KLHL29: variants seen among roughly 807,000 people sequenced by gnomAD.
The protein encoded by KLHL29 is kelch like family member 29.
KLHL29 carries 21 observed loss-of-function variants against 80.4 expected under a neutral mutation model. The observed-to-expected ratio is 0.26, with a 90% CI of 0.19 to 0.38. The LOEUF is 0.38. Ranked by LOEUF, KLHL29 falls within the 10% of genes least tolerant of loss-of-function variation. The pLI is 1.00. For missense variants in KLHL29, 867 were observed against 1,223.9 expected (o/e 0.71, Z 4.35); for synonymous variants, 511 against 526.8 (o/e 0.97, Z 0.41).
At chr2:23,485,456 C>G (rs1664909772) in intron 2 of KLHL29, among the ~76,000 whole-genome samples, 1 of 152,218 alleles carries the variant, frequency 6.6e-6, no homozygotes, top group African/African-American at 2.4e-5. Context: ...CGCACTGACC[C>G]TGCTCTCCCA....
chr2:23,470,206 T>C (rs1664461831), intron 1 of KLHL29, among the ~76,000 whole-genome samples: 1 of 152,184 alleles, frequency 6.6e-6, no homozygotes, highest in Non-Finnish European at 1.5e-5. Context: ...ATGGGCCCTT[T>C]GGTGCTGTGC....
rs191786943 is a variant in KLHL29, at chr2:23,680,517, A to G, written c.941-3882A>G. Reference sequence around the variant, plus strand: ...CAAAAACAACCTCTGGGGCCGACCAACAGGGACAGATGCTGAGGCCAAGTC... The same window carrying G: ...CAAAAACAACCTCTGGGGCCGACCAGCAGGGACAGATGCTGAGGCCAAGTC... On this transcript the variant is annotated intron_variant, in intron 5 of 13. Coordinates refer to ENST00000486442, the MANE Select transcript of KLHL29 (RefSeq NM_052920.2). The surrounding 1 kb of genome is among the most constrained non-coding windows in gnomAD (Gnocchi z 4.1). 1.1e-4 allele frequency among the ~76,000 whole-genome samples: 17 copies of G among 152,310 alleles called. No homozygotes were observed. Among genetic ancestry groups the G allele is most frequent in the Non-Finnish European group, 2.5e-4 (17 of 68,014 alleles).
chr2:23,643,130 C>G (rs961722034), intron 5 of KLHL29: 2 of 577,714 alleles, frequency 3.5e-6, no homozygotes, highest in South Asian at 1.8e-5. Context: ...CCGTCCCCCT[C>G]CAGCCCAAGC....
intron 1 of KLHL29, among the ~76,000 whole-genome samples, chr2:23,434,642 G>A (rs1663287997): frequency 6.6e-6 from 1 of 152,228 alleles, no homozygotes; most frequent in Admixed American, 6.5e-5. Flanking sequence ...AGTTACTGGG[G>A]TTTTATATAC....
intron 3 of KLHL29, among the ~76,000 whole-genome samples, chr2:23,614,654 A>G (rs1019215830): frequency 6.6e-6 from 1 of 152,202 alleles, no homozygotes; most frequent in Non-Finnish European, 1.5e-5. Context: ...ATGGAGAAAA[A>G]TGAATAAGGA....
Position 23,562,456 on chromosome 2 carries a change from G to A in KLHL29, c.260G>A (p.Ser87Asn), listed in dbSNP as rs1232397478. 3 of 1,536,468 alleles carry A rather than the reference G, an allele frequency of 2.0e-6. No homozygotes were observed. Among genetic ancestry groups the A allele is most frequent in the Admixed American group, 3.9e-5 (2 of 50,994 alleles). The change falls in exon 3 of 14, where the codon AGC becomes AAC. Residue 87 changes from serine (S) to asparagine (N), a missense_variant. This residue lies in a region of KLHL29 where 424 missense variants were observed against 456.9 expected (regional missense o/e 0.93). Transcript: ENST00000486442. The surrounding 1 kb of genome is among the most constrained non-coding windows in gnomAD (Gnocchi z 4.5). ...GAGGCCATCACCAGCCTCGTGGCCA[G>A]CTCTGCGTCTGCGGTCACCACCAAG... is the stretch of plus-strand genomic sequence containing the variant. ...SSEAITSLVA[S>N]SASAVTTKAP... is the part of the protein sequence containing the mutation.
chr2:23,453,713 G>T (rs1663956825), intron 1 of KLHL29, among the ~76,000 whole-genome samples: 2 of 152,202 alleles, frequency 1.3e-5, no homozygotes, highest in Non-Finnish European at 2.9e-5. Flanking sequence ...CATGTTTTCA[G>T]TTCCAAGCCG....
intron 1 of KLHL29, among the ~76,000 whole-genome samples, chr2:23,464,454 C>T (rs1363533295): frequency 1.3e-5 from 2 of 152,346 alleles, no homozygotes; most frequent in South Asian, 2.1e-4. Context: ...CTGTCTCCCA[C>T]AGGTCCCCAG....
chr2:23,417,217 C>G (rs555737762), intron 1 of KLHL29, among the ~76,000 whole-genome samples: 6 of 152,166 alleles, frequency 3.9e-5, no homozygotes, highest in Non-Finnish European at 8.8e-5. Flanking sequence ...TTTAACTCAT[C>G]TCCTGGCCTC....
intron 3 of KLHL29, among the ~76,000 whole-genome samples, chr2:23,633,471 C>T (rs184353325): frequency 9.9e-5 from 15 of 152,160 alleles, no homozygotes; most frequent in East Asian, 5.8e-4. Context: ...ACACAGTAGT[C>T]TGTGTATCCC....
At chr2:23,554,886 G>A (rs549172220) in intron 2 of KLHL29, among the ~76,000 whole-genome samples, 17 of 152,166 alleles carry the variant, frequency 1.1e-4, no homozygotes, top group Non-Finnish European at 7.3e-5. Context: ...CCAGGAGTCC[G>A]ACACCGCCCC....
At chr2:23,550,274 G>C (rs542625637) in intron 2 of KLHL29, among the ~76,000 whole-genome samples, 10 of 152,004 alleles carry the variant, frequency 6.6e-5, no homozygotes, top group African/African-American at 2.2e-4. Context: ...GAGAGGGAAA[G>C]GGGGGCACGA....
At chr2:23,598,875 A>T (rs1238820221) in intron 3 of KLHL29, among the ~76,000 whole-genome samples, 1 of 152,156 alleles carries the variant, frequency 6.6e-6, no homozygotes, top group Non-Finnish European at 1.5e-5. Flanking sequence ...CCCCCAAGTC[A>T]TAGGGGTGGC....
Position 23,640,248 on chromosome 2 carries a change from C to T in KLHL29, c.427+968C>T, listed in dbSNP as rs115418295. Among the ~76,000 whole-genome samples the T allele has an allele frequency of 7.2e-3, 1,094 of 152,286 alleles. 12 individuals are homozygous for T. Among genetic ancestry groups the T allele is most frequent in the African/African-American group, 0.025 (1,034 of 41,542 alleles). Reference sequence around the variant, plus strand: ...GACCCTACCCCTCCCAATTATGTTCCCTGCAGACCTGGTCTTGTCTTCCAC... The same window carrying T: ...GACCCTACCCCTCCCAATTATGTTCTCTGCAGACCTGGTCTTGTCTTCCAC... On this transcript the variant is annotated intron_variant, in intron 4 of 13. Transcript: ENST00000486442.
At position 23,669,714 on chromosome 2, in the gene KLHL29, C is replaced by T. The variant is rs902058699; in HGVS notation, c.941-14685C>T. On this transcript the variant is annotated intron_variant, in intron 5 of 13. Coordinates refer to ENST00000486442, the MANE Select transcript of KLHL29 (RefSeq NM_052920.2). This position sits in a 1 kb window ranked among gnomAD's most constrained non-coding sequence, Gnocchi z 4.3. ...GGCTGCCCTGCCACCCCCAGTCAGCCTCTGAGCACAGTGGCCGGTGCCCAG... is the reference window on the plus strand; with the variant it reads ...GGCTGCCCTGCCACCCCCAGTCAGCTTCTGAGCACAGTGGCCGGTGCCCAG... Among the ~76,000 whole-genome samples, 1 of 152,174 alleles carries T rather than the reference C, an allele frequency of 6.6e-6. No individual in the cohort carries two copies. Among genetic ancestry groups the T allele is most frequent in the Non-Finnish European group, 1.5e-5 (1 of 68,032 alleles).
chr2:23,566,244 C>T (rs897914031), intron 3 of KLHL29, among the ~76,000 whole-genome samples: 3 of 152,206 alleles, frequency 2.0e-5, no homozygotes, highest in Non-Finnish European at 4.4e-5. Flanking sequence ...CCCCGCAACA[C>T]ACACTCATGG....
chr2:23,684,516 A>G lies in KLHL29; in HGVS notation c.1058A>G (p.Tyr353Cys). The stretch of plus-strand genomic sequence containing the variant: ...AATGTTCTAGCTTCCTGCAGCTTGT[A>G]TTTCAAGGACCTGATTCAAAGGTTT... ...HQNVLASCSL[Y>C]FKDLIQRSVQ... The change falls in exon 6 of 14, where the codon TAT (tyrosine) becomes TGT (cysteine). Residue 353 changes from tyrosine to cysteine, a missense_variant. Physicochemically the swap from Tyr to Cys is radical, Grantham distance 194 (BLOSUM62 -2). Transcript: ENST00000486442. This position sits in a 1 kb window ranked among gnomAD's most constrained non-coding sequence, Gnocchi z 4.4. 6.5e-7 allele frequency: 1 copy of G among 1,549,476 alleles called. No individual in the cohort carries two copies. Among genetic ancestry groups the G allele is most frequent in the Non-Finnish European group, 8.7e-7 (1 of 1,146,478 alleles).
intron 1 of KLHL29, among the ~76,000 whole-genome samples, chr2:23,395,153 C>T (rs760499568): frequency 9.2e-5 from 14 of 152,114 alleles, no homozygotes; most frequent in Non-Finnish European, 1.9e-4. Flanking sequence ...AGACAGGGCA[C>T]CACATCTCAC....
chr2:23,553,744 C>A (rs927051703), intron 2 of KLHL29, among the ~76,000 whole-genome samples: 3 of 152,232 alleles, frequency 2.0e-5, no homozygotes, highest in Admixed American at 6.5e-5. Context: ...CCATGTGCCC[C>A]GTGCTGGGAG....
Sources: gnomAD v4.1 joint callset for allele counts (sites outside exome capture counted in the v4.1 genomes callset) on GRCh38, gnomAD v4.1.1 for gene constraint, gnomAD v4.1.1 regional missense constraint, Gnocchi (gnomAD v3.1) non-coding constraint, MANE v1.5 for transcripts, NCBI Gene and HGNC (gene_info 2026-07-23, HGNC 2026-07-21) for gene names.